Variants in GRIP1 observed in about 807,000 individuals in gnomAD.
GRIP1 encodes the protein glutamate receptor interacting protein 1.
Under a neutral mutation model 129.9 loss-of-function variants are expected in GRIP1, and 45 were observed. That is an observed-to-expected ratio of 0.35 (90% confidence interval 0.27 to 0.44). The LOEUF (loss-of-function observed/expected upper bound fraction) is 0.44, where lower values mean the gene tolerates loss of function less well. Ranked by LOEUF, GRIP1 falls within the 20% of genes least tolerant of loss-of-function variation. The pLI is 1.00. For missense variants in GRIP1, 1,196 were observed against 1,396.8 expected (o/e 0.86, Z 2.29); for synonymous variants, 530 against 520.8 (o/e 1.02, Z -0.24).
intron 1 of GRIP1, among the ~76,000 whole-genome samples, chr12:67,013,019 T>C (rs2042732797): frequency 6.6e-6 from 1 of 152,196 alleles, no homozygotes; most frequent in African/African-American, 2.4e-5. Context: ...AGAAAACCTA[T>C]TATTTTCAAT....
chr12:66,857,227 G>T (rs1751582896), intron 1 of GRIP1, among the ~76,000 whole-genome samples: 1 of 151,122 alleles, frequency 6.6e-6, no homozygotes, highest in East Asian at 2.0e-4. Flanking sequence ...CTGTTGTGGG[G>T]TGGGGGGAAG....
chr12:66,378,965 TAAATA>T (rs1420666708), intron 20 of GRIP1, among the ~76,000 whole-genome samples: 1 of 151,594 alleles, frequency 6.6e-6, no homozygotes, highest in South Asian at 2.1e-4. Flanking sequence ...AAAAAATAAA[TAAATA>T]AAATAAAATA....
chr12:66,463,385 G>A lies in GRIP1; in HGVS notation c.873-292C>T, dbSNP rs114885768. 1.3e-3 allele frequency among the ~76,000 whole-genome samples: 191 copies of A among 152,176 alleles called. 1 individual carries two copies. The highest frequency in any genetic ancestry group is 4.4e-3 in the African/African-American group (183 of 41,526). On this transcript the variant is annotated intron_variant, in intron 8 of 24. Coordinates refer to ENST00000359742, the MANE Select transcript of GRIP1 (RefSeq NM_001366722.1). ...CTTGTGTGGAAAGTTGAGGGAAAGC[G>A]AGCAAGAGGAAAGGGAAAAACAGGA...
chr12:66,721,151 CA>C (rs1270804382), intron 1 of GRIP1, among the ~76,000 whole-genome samples: 1 of 152,158 alleles, frequency 6.6e-6, no homozygotes, highest in Non-Finnish European at 1.5e-5. Context: ...GCTCTTGCAT[CA>C]CGGTACATTG....
rs76867350 is a variant in GRIP1, at chr12:66,997,669, G to A, written c.58+71381C>T. On this transcript the variant is annotated intron_variant, in intron 1 of 1. Coordinates refer to the GRIP1 transcript ENST00000643019. ...CTGGCTATGAATAATGGATATTGTT[G>A]ACGCAGAAACCAATGCAAATGAATT... Among the ~76,000 whole-genome samples the A allele has an allele frequency of 2.7e-3, 412 of 152,252 alleles. 5 individuals are homozygous for A. Among genetic ancestry groups the A allele is most frequent in the East Asian group, 0.024 (123 of 5,180 alleles).
chr12:67,041,690 T>C (rs542230095), intron 1 of GRIP1, among the ~76,000 whole-genome samples: 6 of 151,574 alleles, frequency 4.0e-5, no homozygotes, highest in Non-Finnish European at 7.4e-5. Context: ...CTAAGTATTG[T>C]AAATAAATTT....
At position 66,427,425 on chromosome 12, in the gene GRIP1, A is replaced by G. The variant is rs141480370; in HGVS notation, c.1768+5123T>C. ...CCACCCCCCAAACATAGAAGTATAA[A>G]AAAAATAGTATTTTCAAGGGAAATT... is the stretch of plus-strand genomic sequence containing the variant. On this transcript the variant is annotated intron_variant, in intron 14 of 24. Coordinates refer to ENST00000359742, the MANE Select transcript of GRIP1 (RefSeq NM_001366722.1). Among the ~76,000 whole-genome samples the G allele has an allele frequency of 1.9e-3, 290 of 152,224 alleles. 8 individuals are homozygous for G. The East Asian group carries it at 0.051, about 27-fold the overall frequency.
chr12:66,872,882 T>C (rs1361588632), intron 1 of GRIP1, among the ~76,000 whole-genome samples: 1 of 152,034 alleles, frequency 6.6e-6, no homozygotes, highest in Non-Finnish European at 1.5e-5. Context: ...GGTCAGGAAA[T>C]TGGATGGGAC....
intron 13 of GRIP1, among the ~76,000 whole-genome samples, chr12:66,434,998 T>G (rs2058257855): frequency 6.6e-6 from 1 of 152,170 alleles, no homozygotes; most frequent in African/African-American, 2.4e-5. Context: ...GCATGTTTCT[T>G]GCTGGCAACT....
chr12:66,424,690 T>C (rs2057923296), intron 14 of GRIP1, among the ~76,000 whole-genome samples: 1 of 152,350 alleles, frequency 6.6e-6, no homozygotes, highest in South Asian at 2.1e-4. Context: ...CCATGATTTC[T>C]TTCCTTTTCT....
intron 1 of GRIP1, among the ~76,000 whole-genome samples, chr12:66,871,264 T>C (rs960940094): frequency 1.3e-5 from 2 of 152,144 alleles, no homozygotes; most frequent in Non-Finnish European, 2.9e-5. Context: ...AATCACCTGA[T>C]GAAAATACGT....
chr12:66,432,360 G>C (rs764375503), intron 14 of GRIP1, among the ~76,000 whole-genome samples, 188 bp downstream of exon 14: 4 of 152,282 alleles, frequency 2.6e-5, no homozygotes, highest in Non-Finnish European at 4.4e-5. Context: ...AGATTGGAGA[G>C]AGTTTGAGTA....
chr12:67,004,631 G>A (rs566201620), intron 1 of GRIP1, among the ~76,000 whole-genome samples: 131 of 152,124 alleles, frequency 8.6e-4, no homozygotes, highest in African/African-American at 3.1e-3. Context: ...GACCCTGGTT[G>A]GATGGGAATT....
At chr12:66,533,189 T>G (rs556044772) in intron 4 of GRIP1, among the ~76,000 whole-genome samples, 1 of 152,026 alleles carries the variant, frequency 6.6e-6, no homozygotes, top group African/African-American at 2.4e-5. Flanking sequence ...TAGACCAAAT[T>G]TTTATTTTTA....
At position 66,361,785 on chromosome 12, in the gene GRIP1, GC is replaced by G. The variant is rs144300427; in HGVS notation, c.3013-8223del. ...TTGGCTCTGGCCTGGCCCTTCTCCA[GC>G]TTTTACCCTTTTCCCAATTCCCTCT... is the stretch of plus-strand genomic sequence containing the variant. On this transcript the variant is annotated intron_variant, in intron 23 of 24. Transcript: ENST00000359742. Among the ~76,000 whole-genome samples the G allele has an allele frequency of 2.5e-3, 388 of 152,222 alleles. 4 individuals carry two copies. Among genetic ancestry groups the G allele is most frequent in the East Asian group, 0.022 (112 of 5,146 alleles).
chr12:66,578,952 C>T (rs1270222984), intron 2 of GRIP1, among the ~76,000 whole-genome samples: 1 of 152,336 alleles, frequency 6.6e-6, no homozygotes, highest in East Asian at 1.9e-4. Context: ...GGCAGACTGC[C>T]TCCTCAAGTG....
chr12:66,946,810 G>T (rs895863463), intron 1 of GRIP1, among the ~76,000 whole-genome samples: 2 of 132,396 alleles, frequency 1.5e-5, no homozygotes, highest in Non-Finnish European at 3.3e-5. Context: ...GGCTGGGGGG[G>T]GCGGCATGGA....
chr12:66,464,021 T>A (rs2138337211), intron 8 of GRIP1, among the ~76,000 whole-genome samples: 1 of 151,844 alleles, frequency 6.6e-6, no homozygotes, highest in South Asian at 2.1e-4. Context: ...CTACGGGGGG[T>A]TGCTGCAGTT....
chr12:67,056,394 G>A (rs951010502), intron 1 of GRIP1, among the ~76,000 whole-genome samples: 1 of 152,204 alleles, frequency 6.6e-6, no homozygotes, highest in Non-Finnish European at 1.5e-5. Context: ...GACCAGGACT[G>A]TCAACCAGAG....
Sources: allele counts gnomAD v4.1 joint callset (sites outside exome capture counted in the v4.1 genomes callset), GRCh38; gene constraint gnomAD v4.1.1; transcripts MANE v1.5; gene names NCBI Gene and HGNC (gene_info 2026-07-23, HGNC 2026-07-21).